TCF12: variants seen among roughly 807,000 people sequenced by gnomAD.
TCF12 encodes DNA-binding protein HTF4.
A neutral mutation model predicts 86.0 loss-of-function variants in TCF12; 45 were observed. The observed-to-expected ratio is 0.52, with a 90% CI of 0.41 to 0.67. The LOEUF (loss-of-function observed/expected upper bound fraction) is 0.67. TCF12 is among the 30% of genes least tolerant of loss of function. The pLI is 0.00. For missense variants in TCF12, 881 were observed against 859.9 expected (o/e 1.02, Z -0.31); for synonymous variants, 330 against 299.6 (o/e 1.10, Z -1.05).
intron 18 of TCF12, among the ~76,000 whole-genome samples, chr15:57,265,705 A>T (rs911835636): frequency 6.6e-6 from 1 of 152,188 alleles, no homozygotes; most frequent in Non-Finnish European, 1.5e-5. Flanking sequence ...TGGTTTTATT[A>T]TGTGTCATTT....
At position 56,921,114 on chromosome 15, in the gene TCF12, A is replaced by C. The variant is rs756564842; in HGVS notation, c.148+16A>C. ...AGTGGATCAGGTAAGATGATGTCTTAAACTAAAGACTCATATTTTGGTGGT... is the reference window on the plus strand; with the variant it reads ...AGTGGATCAGGTAAGATGATGTCTTCAACTAAAGACTCATATTTTGGTGGT... On this transcript the variant is annotated intron_variant, in intron 3 of 20. Coordinates refer to ENST00000333725, the MANE Select transcript of TCF12 (RefSeq NM_207037.2). The C allele has an allele frequency of 3.1e-6, 5 of 1,587,510 alleles. No individual in the cohort carries two copies. The Admixed American group carries it at 8.7e-5, about 28-fold the overall frequency.
chr15:57,219,719 T>TA, intron 8 of TCF12: 155 of 607,886 alleles, frequency 2.5e-4, no homozygotes, highest in Non-Finnish European at 3.6e-4. Flanking sequence ...ATTGTAGATT[T>TA]CTTTTTTTTT....
intron 5 of TCF12, among the ~76,000 whole-genome samples, chr15:57,151,751 G>A (rs953487878): frequency 3.3e-4 from 47 of 142,930 alleles, no homozygotes; most frequent in African/African-American, 1.1e-3. Flanking sequence ...CCACCCTGGC[G>A]ACAATGAGAC....
At chr15:57,013,323 T>C (rs1030210188) in intron 3 of TCF12, among the ~76,000 whole-genome samples, 1 of 152,228 alleles carries the variant, frequency 6.6e-6, no homozygotes, top group Non-Finnish European at 1.5e-5. Context: ...AAGCATTTTT[T>C]CCTTTTATAC....
chr15:57,229,700 A>G (rs1162393980), intron 8 of TCF12, among the ~76,000 whole-genome samples: 1 of 151,942 alleles, frequency 6.6e-6, no homozygotes, highest in African/African-American at 2.4e-5. Flanking sequence ...ATGAAAGGTG[A>G]TACTGTTAGC....
At chr15:57,196,798 A>G (rs1843099564) in intron 7 of TCF12, among the ~76,000 whole-genome samples, 1 of 152,222 alleles carries the variant, frequency 6.6e-6, no homozygotes, top group African/African-American at 2.4e-5. Context: ...ATTGTACAGT[A>G]ATTAATGCTG....
chr15:57,110,280 A>G (rs2050399187), intron 5 of TCF12, among the ~76,000 whole-genome samples: 1 of 147,270 alleles, frequency 6.8e-6, no homozygotes, highest in Non-Finnish European at 1.5e-5. Flanking sequence ...AAGATTTTTT[A>G]GTTTTAGGAG....
At chr15:57,271,524 C>T (rs2061143014) in intron 18 of TCF12, among the ~76,000 whole-genome samples, 1 of 152,200 alleles carries the variant, frequency 6.6e-6, no homozygotes, top group Non-Finnish European at 1.5e-5. Flanking sequence ...AAAGGGTAAT[C>T]CCCCAACCCC....
intron 3 of TCF12, among the ~76,000 whole-genome samples, chr15:56,973,354 A>C (rs1429727242): frequency 6.6e-6 from 1 of 152,126 alleles, no homozygotes; most frequent in Non-Finnish European, 1.5e-5. Context: ...GGAGTGCTCA[A>C]AGAATAATAG....
chr15:57,130,574 T>G (rs2052032114), intron 5 of TCF12, among the ~76,000 whole-genome samples: 1 of 152,172 alleles, frequency 6.6e-6, no homozygotes, highest in South Asian at 2.1e-4. Flanking sequence ...CAGTTATTGT[T>G]GATTACCAGA....
chr15:56,991,051 C>G (rs2063434388), intron 3 of TCF12, among the ~76,000 whole-genome samples: 1 of 152,138 alleles, frequency 6.6e-6, no homozygotes, highest in South Asian at 2.1e-4. Context: ...CCACCTCAGC[C>G]TCCCAAAGTG....
intron 12 of TCF12, among the ~76,000 whole-genome samples, chr15:57,238,149 A>G (rs1458538520): frequency 2.0e-5 from 3 of 152,146 alleles, no homozygotes; most frequent in African/African-American, 7.2e-5. Flanking sequence ...AATACCAGAA[A>G]TGATATATTT....
At chr15:57,261,802 T>G (rs1567007716) in intron 16 of TCF12, among the ~76,000 whole-genome samples, 1 of 109,912 alleles carries the variant, frequency 9.1e-6, no homozygotes, top group Non-Finnish European at 2.1e-5. Context: ...TAGAATGCTT[T>G]GTCAGCTCAT....
chr15:56,993,506 G>A (rs1342347681), intron 3 of TCF12, among the ~76,000 whole-genome samples: 2 of 152,198 alleles, frequency 1.3e-5, no homozygotes, highest in South Asian at 2.1e-4. Flanking sequence ...AATTAAAAGG[G>A]ATGCCTCAGA....
intron 5 of TCF12, among the ~76,000 whole-genome samples, chr15:57,117,113 T>C (rs1207196869): frequency 1.3e-4 from 18 of 142,070 alleles, no homozygotes; most frequent in African/African-American, 3.6e-4. Flanking sequence ...TTTTTTTTTT[T>C]CTTTCTTTTT....
chr15:57,264,133 T>G (rs1330815197), intron 18 of TCF12, among the ~76,000 whole-genome samples: 1 of 149,478 alleles, frequency 6.7e-6, no homozygotes, highest in Non-Finnish European at 1.5e-5. Flanking sequence ...TAATAATAGC[T>G]TAAAACACAA....
intron 3 of TCF12, among the ~76,000 whole-genome samples, chr15:56,961,989 G>A (rs1362432149): frequency 6.6e-6 from 1 of 151,816 alleles, no homozygotes; most frequent in Non-Finnish European, 1.5e-5. Flanking sequence ...AAAATTAGCC[G>A]GGCGTGGTGG....
rs527521323 is a variant in TCF12 at position 57,196,127 on chromosome 15, A to G, written c.527-1646A>G. 1.4e-4 allele frequency among the ~76,000 whole-genome samples: 21 copies of G among 152,000 alleles called. No individual in the cohort carries two copies. The East Asian group carries it at 3.9e-3, about 28-fold the overall frequency. ...ATCACTTGAGGCCACCTCTACATCC[A>G]TGGGTTTCTCATCTGTGGATTCAGC... On this transcript the variant is annotated intron_variant, in intron 7 of 20. Transcript: ENST00000333725.
chr15:56,929,555 C>A (rs936066736), intron 3 of TCF12, among the ~76,000 whole-genome samples: 1 of 151,888 alleles, frequency 6.6e-6, no homozygotes, highest in African/African-American at 2.4e-5. Flanking sequence ...CTCATAAAGA[C>A]CATGGTGAGT....
Sources: allele counts gnomAD v4.1 joint callset (sites outside exome capture counted in the v4.1 genomes callset), GRCh38; gene constraint gnomAD v4.1.1; transcripts MANE v1.5; gene names NCBI Gene and HGNC (gene_info 2026-07-23, HGNC 2026-07-21).